Variants in RBM6 observed in about 807,000 individuals in gnomAD.
The protein encoded by RBM6 is RNA binding motif protein 6, also known as RNA-binding protein 6.
A neutral mutation model predicts 140.4 loss-of-function variants in RBM6; 23 were observed. The ratio of observed to expected loss-of-function variants is 0.16; its 90% CI spans 0.12 to 0.23. The LOEUF is 0.23. RBM6 is among the 10% of genes least tolerant of loss of function. RBM6 has a pLI of 1.00. For missense variants in RBM6, 1,139 were observed against 1,386.7 expected (o/e 0.82, Z 2.84); for synonymous variants, 439 against 475.6 (o/e 0.92, Z 1.00).
intron 19 of RBM6, among the ~76,000 whole-genome samples, chr3:50,071,890 CCTGGCCAA>C (rs2090310430): frequency 6.7e-6 from 1 of 149,830 alleles, no homozygotes; most frequent in Non-Finnish European, 1.5e-5. Context: ...TCGAGACCAG[CCTGGCCAA>C]GATGGTGAAA....
chr3:50,005,908 A>T (rs12634780), intron 6 of RBM6, among the ~76,000 whole-genome samples: 93,171 of 151,908 alleles, frequency 0.61, 29,057 homozygotes, highest in East Asian at 0.88. Flanking sequence ...TAGGTTCATA[A>T]CCTAGCTAGA....
chr3:50,036,943 A>T (rs1182778131), intron 6 of RBM6, among the ~76,000 whole-genome samples: 1 of 151,826 alleles, frequency 6.6e-6, no homozygotes, highest in African/African-American at 2.4e-5. Context: ...CACCATGCCC[A>T]GCTAATTTTT....
At chr3:49,943,410 C>T (rs2083367217) in intron 1 of RBM6, among the ~76,000 whole-genome samples, 1 of 152,062 alleles carries the variant, frequency 6.6e-6, no homozygotes, top group African/African-American at 2.4e-5. Flanking sequence ...AAGCAGTCAT[C>T]CCGCCTCAGC....
At chr3:50,051,991 G>A (rs1333601634) in intron 7 of RBM6, among the ~76,000 whole-genome samples, 1 of 152,220 alleles carries the variant, frequency 6.6e-6, no homozygotes, top group Non-Finnish European at 1.5e-5. Context: ...TTCAGAATTA[G>A]ATTATGGTGA....
At chr3:49,986,161 A>ATT (rs1277418533) in intron 5 of RBM6, among the ~76,000 whole-genome samples, 1 of 138,514 alleles carries the variant, frequency 7.2e-6, no homozygotes, top group Non-Finnish European at 1.6e-5. Flanking sequence ...TAATTTTTGT[A>ATT]TTTTTTTTTT....
chr3:49,996,223 C>G (rs961797545), intron 5 of RBM6, among the ~76,000 whole-genome samples: 1 of 152,144 alleles, frequency 6.6e-6, no homozygotes, highest in Admixed American at 6.6e-5. Flanking sequence ...TGCAAGCCAA[C>G]CTCTTCATCT....
At chr3:50,058,065 A>G (rs745476117) in intron 9 of RBM6, 62 bp downstream of exon 9, 151 of 1,555,382 alleles carry the variant, frequency 9.7e-5, no homozygotes, top group Middle Eastern at 9.3e-4. Context: ...TAGATGGCCA[A>G]TGTTATGTCC....
chr3:49,946,095 A>G (rs1240964211), intron 1 of RBM6, among the ~76,000 whole-genome samples: 1 of 152,044 alleles, frequency 6.6e-6, no homozygotes, highest in Non-Finnish European at 1.5e-5. Context: ...TTGGACTCCC[A>G]GCCTCCAGAG....
chr3:49,940,300 C>T (rs2083227284), intron 1 of RBM6, 75 bp downstream of exon 1: 1 of 152,300 alleles, frequency 6.6e-6, no homozygotes, highest in Non-Finnish European at 1.5e-5. Flanking sequence ...CCGCTCTAGA[C>T]ATCGCAGGCC....
chr3:49,997,462 C>T (rs1024526990), intron 5 of RBM6, among the ~76,000 whole-genome samples: 33 of 152,210 alleles, frequency 2.2e-4, no homozygotes, highest in African/African-American at 7.2e-4. Context: ...CTCTGGGCCA[C>T]AGTAGTTACT....
intron 1 of RBM6, among the ~76,000 whole-genome samples, chr3:49,953,465 G>T (rs750436782): frequency 8.0e-5 from 12 of 150,936 alleles, no homozygotes; most frequent in Non-Finnish European, 1.3e-4. Flanking sequence ...TGATCTGCCC[G>T]CCTTGGCCTC....
In RBM6 at chr3:50,021,740, C is replaced by CTTTTTTTTTTTTTTTTTTTTTT. The variant is rs542734328; in HGVS notation, c.1557+22236_1557+22257dup. Among the ~76,000 whole-genome samples the CTTTTTTTTTTTTTTTTTTTTTT allele has an allele frequency of 1.2e-4, 5 of 42,732 alleles. 2 individuals carry two copies. Among genetic ancestry groups the CTTTTTTTTTTTTTTTTTTTTTT allele is most frequent in the Non-Finnish European group, 1.6e-4 (4 of 24,468 alleles). 28.0% of individuals were successfully genotyped at this position (42,732 alleles called of 152,430 possible). On this transcript the variant is annotated intron_variant, in intron 6 of 20. Coordinates refer to ENST00000266022, the MANE Select transcript of RBM6 (RefSeq NM_005777.3). ...ATCTCCATACTGAGGAATTTAAGTGCTTTTTTTTTTTTTTTTTTTTTTTTT... is the reference window on the plus strand; with the variant it reads ...ATCTCCATACTGAGGAATTTAAGTGCTTTTTTTTTTTTTTTTTTTTTTTTTTTTTTTTTTTTTTTTTTTTTTT...
chr3:50,061,355 A>T (rs1370900885), intron 13 of RBM6, 107 bp from the exon 14 acceptor site: 1 of 1,582,616 alleles, frequency 6.3e-7, no homozygotes. Context: ...GCATCTGTAG[A>T]TGCACCTATT....
At chr3:50,008,491 C>T (rs1416920435) in intron 6 of RBM6, among the ~76,000 whole-genome samples, 8 of 147,736 alleles carry the variant, frequency 5.4e-5, no homozygotes, top group East Asian at 2.0e-4. Flanking sequence ...GTATAGGGTT[C>T]GTAGCACAGA....
Position 50,056,667 on chromosome 3 carries a change from C to T in RBM6, c.1694-1061C>T, listed in dbSNP as rs545422834. On this transcript the variant is annotated intron_variant, in intron 8 of 20. Coordinates refer to ENST00000266022, the MANE Select transcript of RBM6 (RefSeq NM_005777.3). Reference sequence around the variant, plus strand: ...AGACAGCTTTAATCTGGAAACCTGTCACTGCTATTATGTAATCTCTATATT... The same window carrying T: ...AGACAGCTTTAATCTGGAAACCTGTTACTGCTATTATGTAATCTCTATATT... 3.3e-5 allele frequency among the ~76,000 whole-genome samples: 5 copies of T among 152,304 alleles called. 1 individual carries two copies. The highest frequency in any genetic ancestry group is 1.2e-4 in the African/African-American group (5 of 41,582).
At chr3:50,008,546 CTTTTTTTTTT>C (rs5848909) in intron 6 of RBM6, among the ~76,000 whole-genome samples, 3 of 73,694 alleles carry the variant, frequency 4.1e-5, no homozygotes, top group South Asian at 7.8e-4. Context: ...TCTTTTGTAA[CTTTTTTTTTT>C]TTTTTTTTTT....
intron 11 of RBM6, 139 bp from the exon 12 acceptor site, chr3:50,060,817 C>CA (rs2089909368): frequency 1.5e-6 from 1 of 680,974 alleles, no homozygotes; most frequent in Non-Finnish European, 2.3e-6. Context: ...CTGGACCACC[C>CA]AACCTGCTTG....
intron 6 of RBM6, among the ~76,000 whole-genome samples, chr3:50,040,543 T>C (rs1412723881): frequency 1.4e-5 from 2 of 140,568 alleles, no homozygotes; most frequent in East Asian, 2.1e-4. Flanking sequence ...CACACACACA[T>C]GCATATATAT....
chr3:50,072,073 G>A, intron 19 of RBM6, among the ~76,000 whole-genome samples: 1 of 110,092 alleles, frequency 9.1e-6, no homozygotes, highest in Non-Finnish European at 1.7e-5. Flanking sequence ...GACAGAGCAA[G>A]ACTCTGTCTC....
Sources: allele counts gnomAD v4.1 joint callset (sites outside exome capture counted in the v4.1 genomes callset), GRCh38; gene constraint gnomAD v4.1.1; transcripts MANE v1.5; gene names NCBI Gene and HGNC (gene_info 2026-07-23, HGNC 2026-07-21).